The following LUZP2 variants were observed in gnomAD, a reference collection of about 807,000 sequenced individuals.
The protein encoded by LUZP2 is leucine zipper protein 2.
Under a neutral mutation model 51.6 loss-of-function variants are expected in LUZP2, and 52 were observed. That is an observed-to-expected ratio of 1.01 (90% CI 0.81 to 1.27). The LOEUF (loss-of-function observed/expected upper bound fraction) is 1.27, where lower values mean the gene tolerates loss of function less well. Among genes scored for constraint, LUZP2 ranks in the 50% most tolerant of loss-of-function variants. The pLI, the probability that LUZP2 is intolerant of heterozygous loss-of-function variation, is 0.00. For missense variants in LUZP2, 436 were observed against 395.4 expected (o/e 1.10, Z -0.87); for synonymous variants, 154 against 137.3 (o/e 1.12, Z -0.85).
At chr11:24,642,970 C>A (rs1205191957) in intron 1 of LUZP2, among the ~76,000 whole-genome samples, 4 of 151,862 alleles carry the variant, frequency 2.6e-5, no homozygotes, top group East Asian at 3.9e-4. Context: ...AAAGAGAGAG[C>A]CTCTTTGAGA....
At chr11:24,668,691 G>A (rs1590323500) in intron 1 of LUZP2, among the ~76,000 whole-genome samples, 2 of 152,166 alleles carry the variant, frequency 1.3e-5, no homozygotes, top group East Asian at 1.9e-4. Flanking sequence ...TTCCTAGAAG[G>A]GGAATAGATA....
At chr11:25,016,122 G>T (rs1191495921) in intron 9 of LUZP2, among the ~76,000 whole-genome samples, 1 of 151,662 alleles carries the variant, frequency 6.6e-6, no homozygotes, top group Admixed American at 6.6e-5. Flanking sequence ...GGGTTTCATG[G>T]TGTTAGCCAG....
intron 5 of LUZP2, among the ~76,000 whole-genome samples, chr11:24,808,581 T>C (rs778220272): frequency 1.4e-4 from 21 of 152,184 alleles, no homozygotes; most frequent in Non-Finnish European, 2.4e-4. Flanking sequence ...CTTTGATTTA[T>C]TTAAATTTCT....
In LUZP2 at chr11:24,862,433, G is replaced by A. The variant is rs141479042; in HGVS notation, c.397-43558G>A. 3.4e-4 allele frequency among the ~76,000 whole-genome samples: 52 copies of A among 152,252 alleles called. No homozygotes were observed. In the East Asian group the frequency reaches 4.6e-3, roughly 14 times the overall value. On this transcript the variant is annotated intron_variant, in intron 5 of 11. Coordinates refer to ENST00000336930, the MANE Select transcript of LUZP2 (RefSeq NM_001009909.4). ...TGGAAAGAAAAAACTGGTATCAGCCGCTGCAAAAACACACCAAAATACAAA... is the reference window on the plus strand; with the variant it reads ...TGGAAAGAAAAAACTGGTATCAGCCACTGCAAAAACACACCAAAATACAAA...
chr11:24,765,515 C>G (rs913891916), intron 5 of LUZP2, among the ~76,000 whole-genome samples: 2 of 152,014 alleles, frequency 1.3e-5, no homozygotes, highest in Non-Finnish European at 2.9e-5. Flanking sequence ...TTGAGACAAC[C>G]GTATGGGTTT....
rs367840054 is a variant in LUZP2, at chr11:25,077,280, C to CT, written c.859-46dup. 2,267 of 1,389,396 alleles carry CT rather than the reference C, an allele frequency of 1.6e-3. 38 individuals carry two copies. The African/African-American group carries it at 0.027, about 17-fold the overall frequency. 86.1% of individuals were successfully genotyped at this position (1,389,396 alleles called of 1,614,324 possible). On this transcript the variant is annotated intron_variant, in intron 10 of 11. Transcript: ENST00000336930. ...AGAGTGTTTTTGACTCCCCCCTCCA[C>CT]TTTCTTTCTTTAACTTCATTGATGT...
At chr11:24,592,695 A>AG (rs1233666661) in intron 1 of LUZP2, among the ~76,000 whole-genome samples, 2 of 151,616 alleles carry the variant, frequency 1.3e-5, no homozygotes, top group Non-Finnish European at 2.9e-5. Context: ...AGAAAAGAAA[A>AG]AAAAAAAGCT....
chr11:24,714,940 A>G (rs535429343), intron 1 of LUZP2, among the ~76,000 whole-genome samples: 1 of 152,182 alleles, frequency 6.6e-6, no homozygotes, highest in Non-Finnish European at 1.5e-5. Flanking sequence ...TAGAGAGTCT[A>G]CAGACCCCTC....
intron 1 of LUZP2, 37 bp downstream of exon 1, chr11:24,497,342 C>T: frequency 6.9e-7 from 1 of 1,451,710 alleles, no homozygotes. Flanking sequence ...AGGCCAGGGG[C>T]GCTGCCGGGG....
At chr11:25,050,770 A>C (rs1565284137) in intron 10 of LUZP2, among the ~76,000 whole-genome samples, 1 of 152,206 alleles carries the variant, frequency 6.6e-6, no homozygotes, top group South Asian at 2.1e-4. Context: ...AAAATGTAAA[A>C]AACAAAAGCC....
At chr11:24,561,322 C>T (rs1373891211) in intron 1 of LUZP2, among the ~76,000 whole-genome samples, 4 of 152,050 alleles carry the variant, frequency 2.6e-5, no homozygotes, top group Non-Finnish European at 4.4e-5. Flanking sequence ...AAGTTTACTT[C>T]GTTGTCCATA....
intron 5 of LUZP2, among the ~76,000 whole-genome samples, chr11:24,826,190 A>AAAAATATAT (rs1215786412): frequency 0.015 from 1,046 of 67,536 alleles, 33 homozygotes; most frequent in East Asian, 0.041. Flanking sequence ...AAAAAAAAAA[A>AAAAATATAT]ATATATATAT....
intron 1 of LUZP2, among the ~76,000 whole-genome samples, chr11:24,578,983 A>T (rs944098052): frequency 6.6e-6 from 1 of 152,130 alleles, no homozygotes; most frequent in African/African-American, 2.4e-5. Context: ...CTAATCCAGA[A>T]ATTGTAATCT....
intron 1 of LUZP2, among the ~76,000 whole-genome samples, chr11:24,607,528 C>T (rs1853969629): frequency 6.6e-6 from 1 of 151,718 alleles, no homozygotes; most frequent in Non-Finnish European, 1.5e-5. Context: ...CAGTGTGATA[C>T]TGTTTTGATT....
intron 7 of LUZP2, among the ~76,000 whole-genome samples, chr11:24,973,753 T>C (rs115157320): frequency 0.011 from 1,612 of 152,206 alleles, 33 homozygotes; most frequent in African/African-American, 0.037. Context: ...TGAGTGAATT[T>C]CTTAGTCTTG....
At chr11:25,046,006 CA>C (rs1565276808) in intron 9 of LUZP2, among the ~76,000 whole-genome samples, 1 of 152,066 alleles carries the variant, frequency 6.6e-6, no homozygotes, top group African/African-American at 2.4e-5. Flanking sequence ...ACATGAATCA[CA>C]AAAATGGTTT....
At chr11:24,663,387 C>T (rs1361806234) in intron 1 of LUZP2, among the ~76,000 whole-genome samples, 1 of 152,114 alleles carries the variant, frequency 6.6e-6, no homozygotes, top group Non-Finnish European at 1.5e-5. Flanking sequence ...CTGCAAGTTT[C>T]CTGAGGCATC....
chr11:24,944,279 T>C (rs762161653), intron 7 of LUZP2, among the ~76,000 whole-genome samples: 15 of 152,174 alleles, frequency 9.9e-5, no homozygotes, highest in Non-Finnish European at 1.8e-4. Context: ...TTAAGGTCAG[T>C]TGTAATATTA....
At chr11:24,840,281 G>T (rs1850988123) in intron 5 of LUZP2, among the ~76,000 whole-genome samples, 1 of 151,744 alleles carries the variant, frequency 6.6e-6, no homozygotes, top group South Asian at 2.1e-4. Flanking sequence ...CCCAGTCTAA[G>T]ACAAATGTCA....
Sources: allele counts gnomAD v4.1 joint callset (sites outside exome capture counted in the v4.1 genomes callset), GRCh38; gene constraint gnomAD v4.1.1; transcripts MANE v1.5; gene names NCBI Gene and HGNC (gene_info 2026-07-23, HGNC 2026-07-21).